Variants in DSE observed in about 807,000 individuals in gnomAD.
DSE encodes dermatan sulfate epimerase, also known as dermatan-sulfate epimerase.
Under a neutral mutation model 84.4 loss-of-function variants are expected in DSE, and 36 were observed. The observed-to-expected ratio is 0.43, with a 90% CI of 0.33 to 0.56. DSE has a LOEUF of 0.56. Ranked by LOEUF, DSE falls within the 20% of genes least tolerant of loss-of-function variation. DSE has a pLI of 0.06. For synonymous variants in DSE, 410 were observed against 430.1 expected (o/e 0.95, Z 0.58); for missense variants, 862 against 1,169.6 (o/e 0.74, Z 3.84).
intron 2 of DSE, among the ~76,000 whole-genome samples, chr6:116,317,063 A>G (rs1419455944): frequency 6.6e-6 from 1 of 152,140 alleles, no homozygotes; most frequent in Non-Finnish European, 1.5e-5. Flanking sequence ...TGCAAGTCTG[A>G]CCCTGAGGAA....
intron 2 of DSE, among the ~76,000 whole-genome samples, chr6:116,353,361 A>G (rs1778413632): frequency 6.6e-6 from 1 of 152,076 alleles, no homozygotes; most frequent in Non-Finnish European, 1.5e-5. Flanking sequence ...AAATTAAGGG[A>G]TATTTTCCTT....
chr6:116,435,787 T>C lies in DSE; in HGVS notation c.1319T>C (p.Ile440Thr). The C allele has an allele frequency of 6.2e-7, 1 of 1,614,094 alleles. No individual in the cohort carries two copies. The highest frequency in any genetic ancestry group is 8.5e-7 in the Non-Finnish European group (1 of 1,180,004). Residue 440 changes from isoleucine to threonine, a missense_variant, in exon 6 of 6, where the codon ATC (isoleucine) becomes ACC (threonine). Ile to Thr is a moderately conservative substitution (Grantham distance 89, BLOSUM62 -1). Coordinates refer to ENST00000644252, the MANE Select transcript of DSE (RefSeq NM_013352.4). ...IVHRNKYKDW[I>T]KGWRNFNAGH... Reference sequence around the variant, plus strand: ...CACAGAAACAAATACAAAGATTGGATCAAAGGATGGAGAAATTTTAATGCA... The same window carrying C: ...CACAGAAACAAATACAAAGATTGGACCAAAGGATGGAGAAATTTTAATGCA...
At chr6:116,346,959 A>G (rs891291497) in intron 2 of DSE, among the ~76,000 whole-genome samples, 5 of 152,196 alleles carry the variant, frequency 3.3e-5, no homozygotes, top group Admixed American at 3.3e-4. Context: ...AATCACAAGC[A>G]TTCCTATACA....
At chr6:116,278,558 G>A (rs908565433) in intron 2 of DSE, 2 of 1,614,152 alleles carry the variant, frequency 1.2e-6, no homozygotes, top group Non-Finnish European at 1.7e-6. Context: ...ATCTCTACAG[G>A]CTCCCTTAGC....
At chr6:116,295,828 C>A (rs1217860272) in intron 2 of DSE, among the ~76,000 whole-genome samples, 1 of 152,154 alleles carries the variant, frequency 6.6e-6, no homozygotes, top group Non-Finnish European at 1.5e-5. Flanking sequence ...AGTAGAACTT[C>A]ATTAATTGGG....
rs764179730 is a variant in DSE at position 116,436,076 on chromosome 6, C to T, written c.1608C>T (p.Phe536=). Residue 536 remains phenylalanine (F), a synonymous_variant, in exon 6 of 6, where the codon TTC becomes TTT. Transcript: ENST00000644252. ...CAGAGGAGAAAAATGGGGTGGTTTT[C>T]ATCCGAGGAGAAGGTGTGGGAGCTT... ...VAAEEKNGVV[F]IRGEGVGAYN... is the part of the protein sequence containing the mutation. The T allele has an allele frequency of 4.3e-6, 7 of 1,613,702 alleles. No individual in the cohort carries two copies. Among genetic ancestry groups the T allele is most frequent in the South Asian group, 3.3e-5 (3 of 91,054 alleles).
At chr6:116,346,959 A>C (rs891291497) in intron 2 of DSE, among the ~76,000 whole-genome samples, 7 of 152,196 alleles carry the variant, frequency 4.6e-5, no homozygotes, top group African/African-American at 1.7e-4. Context: ...AATCACAAGC[A>C]TTCCTATACA....
chr6:116,339,314 C>CT (rs59525124), intron 2 of DSE, among the ~76,000 whole-genome samples: 31,384 of 145,682 alleles, frequency 0.22, 3,369 homozygotes, highest in East Asian at 0.28. Flanking sequence ...TTCTTCCTTT[C>CT]TTTTTTTTTT....
chr6:116,435,372 A>G (rs1393070633), intron 5 of DSE, among the ~76,000 whole-genome samples: 1 of 152,210 alleles, frequency 6.6e-6, no homozygotes, highest in Non-Finnish European at 1.5e-5. Flanking sequence ...AAACCCAAGG[A>G]TCACAAATGA....
chr6:116,348,603 G>C (rs1313859648), intron 2 of DSE, among the ~76,000 whole-genome samples: 2 of 152,112 alleles, frequency 1.3e-5, no homozygotes, highest in Admixed American at 6.6e-5. Flanking sequence ...AATACCATTT[G>C]ACCCAGCCAT....
At chr6:116,269,532 G>T (rs1405340062) in intron 2 of DSE, among the ~76,000 whole-genome samples, 2 of 152,176 alleles carry the variant, frequency 1.3e-5, no homozygotes, top group African/African-American at 4.8e-5. Flanking sequence ...GGACCAAGTA[G>T]ATTGGATACC....
chr6:116,441,276 C>T lies in DSE; in HGVS notation c.*3931C>T, dbSNP rs568001175. 2.6e-5 allele frequency: 4 copies of T among 152,222 alleles called. No homozygotes were observed. Among genetic ancestry groups the T allele is most frequent in the African/African-American group, 9.6e-5 (4 of 41,548 alleles). The allele number at this position is 152,222 out of a possible 1,614,324, so 9.4% of individuals were successfully genotyped here. A position where few individuals can be genotyped will look rare whatever the true frequency, so the allele number is the denominator to read the frequency against. ...ACAAAGTTGCATTATGACTTTTCTTCTTGCATATACAGTTTCCCTCTTGGT... is the reference window on the plus strand; with the variant it reads ...ACAAAGTTGCATTATGACTTTTCTTTTTGCATATACAGTTTCCCTCTTGGT... On this transcript the variant is annotated 3_prime_UTR_variant, in exon 6 of 6. Coordinates refer to ENST00000644252, the MANE Select transcript of DSE (RefSeq NM_013352.4).
chr6:116,425,834 A>C (rs142072770), intron 2 of DSE, among the ~76,000 whole-genome samples: 8,449 of 152,016 alleles, frequency 0.056, 330 homozygotes, highest in Non-Finnish European at 0.087. Flanking sequence ...GTGTTAGCCA[A>C]GATGGTCTCG....
chr6:116,320,900 A>G (rs1008847596), intron 2 of DSE, among the ~76,000 whole-genome samples: 4 of 152,158 alleles, frequency 2.6e-5, no homozygotes, highest in African/African-American at 9.7e-5. Flanking sequence ...ATTTCAATAT[A>G]TGTATTTTAA....
upstream of DSE, chr6:116,370,520 C>T (rs1364606821): frequency 2.0e-6 from 2 of 985,536 alleles, no homozygotes; most frequent in East Asian, 2.3e-4. Context: ...TAACGTCTTC[C>T]TCGCTTTCCT....
chr6:116,282,390 T>G (rs1194581234), intron 2 of DSE, among the ~76,000 whole-genome samples: 1 of 152,192 alleles, frequency 6.6e-6, no homozygotes, highest in African/African-American at 2.4e-5. Flanking sequence ...GTGTCAGGCT[T>G]GGACCAATCT....
chr6:116,374,419 T>C (rs1002968128), intron 1 of DSE, among the ~76,000 whole-genome samples: 1 of 152,162 alleles, frequency 6.6e-6, no homozygotes, highest in African/African-American at 2.4e-5. Context: ...TTCTGTTTGC[T>C]GAGGGGGCTG....
chr6:116,353,306 T>C (rs367809500), intron 2 of DSE, among the ~76,000 whole-genome samples: 6 of 152,288 alleles, frequency 3.9e-5, no homozygotes, highest in Admixed American at 3.9e-4. Flanking sequence ...GGGGGAGTAG[T>C]CATGATGGAA....
chr6:116,280,369 A>G lies in DSE; in HGVS notation c.-54+21402A>G, dbSNP rs6909133. The G allele has an allele frequency of 0.41, 78,234 of 193,114 alleles. 16,468 individuals are homozygous for G. Among genetic ancestry groups the G allele is most frequent in the African/African-American group, 0.51 (21,668 of 42,554 alleles). The allele number at this position is 193,114 out of a possible 1,614,324, so 12.0% of individuals were successfully genotyped here. A position where few individuals can be genotyped will look rare whatever the true frequency, so the allele number is the denominator to read the frequency against. Reference sequence around the variant, plus strand: ...TAGTAAAAGTGACATAAAAATATCAATTCTTGCCTCTACGGTTACTGGGGA... The same window carrying G: ...TAGTAAAAGTGACATAAAAATATCAGTTCTTGCCTCTACGGTTACTGGGGA... On this transcript the variant is annotated intron_variant, in intron 2 of 3. Coordinates refer to the DSE transcript ENST00000430252.
Sources: allele counts gnomAD v4.1 joint callset (sites outside exome capture counted in the v4.1 genomes callset), GRCh38; gene constraint gnomAD v4.1.1; transcripts MANE v1.5; gene names NCBI Gene and HGNC (gene_info 2026-07-23, HGNC 2026-07-21).